Variants in NSFL1C observed in about 807,000 individuals in gnomAD.
The protein encoded by NSFL1C is NSFL1 cofactor p47.
NSFL1C carries 14 observed loss-of-function variants against 43.1 expected under a neutral mutation model. The observed-to-expected ratio is 0.32, with a 90% CI of 0.21 to 0.51. NSFL1C has a LOEUF of 0.51. Ranked by LOEUF, NSFL1C falls within the 20% of genes least tolerant of loss-of-function variation. The pLI, the probability that NSFL1C is intolerant of heterozygous loss-of-function variation, is 0.98. For missense variants in NSFL1C, 406 were observed against 472.5 expected (o/e 0.86, Z 1.30); for synonymous variants, 171 against 183.5 (o/e 0.93, Z 0.55).
At chr20:1,460,370 T>C (rs1844640683) in intron 2 of NSFL1C, among the ~76,000 whole-genome samples, 1 of 152,192 alleles carries the variant, frequency 6.6e-6, no homozygotes, top group African/African-American at 2.4e-5. Context: ...TCCAGCAATC[T>C]AGCCTTAAGG....
chr20:1,455,527 C>A (rs1175124273), intron 3 of NSFL1C, among the ~76,000 whole-genome samples: 1 of 152,170 alleles, frequency 6.6e-6, no homozygotes, highest in Non-Finnish European at 1.5e-5. Flanking sequence ...ACAGTGACTA[C>A]AGTCATAGTC....
intron 5 of NSFL1C, among the ~76,000 whole-genome samples, chr20:1,453,610 G>C (rs1225215652): frequency 6.6e-6 from 1 of 152,200 alleles, no homozygotes; most frequent in East Asian, 1.9e-4. Context: ...TGCATTAGCA[G>C]CTGCCTCGGA....
chr20:1,455,008 C>T lies in NSFL1C; in HGVS notation c.403G>A (p.Glu135Lys), dbSNP rs2090266121. The change falls in exon 4 of 9, where the codon GAG becomes AAG. Residue 135 changes from glutamate (E) to lysine (K), a missense_variant. Physicochemically the swap from Glu to Lys is moderately conservative, Grantham distance 56. Transcript: ENST00000216879. ...GAKEHGAVAVERVTKSPGETS... is the reference protein window; with the variant it reads ...GAKEHGAVAVKRVTKSPGETS... ...TCTCCAGGGCTCTTGGTCACTCGCT[C>T]CACAGCTACAGCTCCATGCTCTTTG... is the stretch of plus-strand genomic sequence containing the variant. 1 of 1,614,112 alleles carries T rather than the reference C, an allele frequency of 6.2e-7. No homozygotes were observed. Among genetic ancestry groups the T allele is most frequent in the East Asian group, 2.2e-5 (1 of 44,884 alleles).
At chr20:1,452,683 G>A in intron 6 of NSFL1C, 53 bp from the exon 7 acceptor site, 1 of 1,605,992 alleles carries the variant, frequency 6.2e-7, no homozygotes, top group Non-Finnish European at 8.5e-7. Flanking sequence ...GGAAATGACA[G>A]TGATGGGAAA....
intron 8 of NSFL1C, among the ~76,000 whole-genome samples, chr20:1,444,211 C>T (rs1599931923): frequency 6.6e-6 from 1 of 152,320 alleles, no homozygotes; most frequent in East Asian, 1.9e-4. Context: ...TACTCTCTTC[C>T]CACATTTGGG....
intron 2 of NSFL1C, chr20:1,464,060 T>A: frequency 2.5e-6 from 1 of 395,500 alleles, no homozygotes; most frequent in Non-Finnish European, 4.5e-6. Flanking sequence ...AGAGTTGCAG[T>A]GGTCATTCCT....
intron 2 of NSFL1C, among the ~76,000 whole-genome samples, chr20:1,463,051 C>T (rs915301109): frequency 2.0e-5 from 3 of 152,110 alleles, no homozygotes; most frequent in African/African-American, 7.2e-5. Flanking sequence ...AAGTAACCTG[C>T]CCAAGGTCAC....
rs2090047708 is a variant in NSFL1C at position 1,445,829 on chromosome 20, T to C, written c.787A>G (p.Thr263Ala). ...CTGGTACTCAACACCTGGGGGGCAG[T>C]GCTGAGGAGAGAGGATGGCATCAGA... ...FTGEGQKLGSTAPQVLSTSSP... is the reference protein window; with the variant it reads ...FTGEGQKLGSAAPQVLSTSSP... Residue 263 changes from threonine (T) to alanine (A), a missense_variant and splice_region_variant, in exon 8 of 9, where the codon ACT (threonine) becomes GCT (alanine). Physicochemically the swap from Thr to Ala is moderately conservative, Grantham distance 58 (BLOSUM62 0). This residue lies in a region of NSFL1C where 196 missense variants were observed against 228.0 expected (regional missense o/e 0.86). Coordinates refer to ENST00000216879, the MANE Select transcript of NSFL1C (RefSeq NM_016143.5). 1 of 1,613,682 alleles carries C rather than the reference T, an allele frequency of 6.2e-7. No individual in the cohort carries two copies. Among genetic ancestry groups the C allele is most frequent in the Non-Finnish European group, 8.5e-7 (1 of 1,179,918 alleles).
chr20:1,465,165 G>A lies in NSFL1C; in HGVS notation c.106-739C>T, dbSNP rs995222009. On this transcript the variant is annotated intron_variant, in intron 1 of 8. Coordinates refer to ENST00000216879, the MANE Select transcript of NSFL1C (RefSeq NM_016143.5). Reference sequence around the variant, plus strand: ...GTGACATCTCTGTCACCAACTCAACGGACAGGCATTCACTAATCACTTGCT... The same window carrying A: ...GTGACATCTCTGTCACCAACTCAACAGACAGGCATTCACTAATCACTTGCT... 4.6e-5 allele frequency among the ~76,000 whole-genome samples: 7 copies of A among 152,168 alleles called. No homozygotes were observed. In the South Asian group the frequency reaches 6.2e-4, roughly 14 times the overall value.
chr20:1,458,585 T>C (rs947249551), intron 2 of NSFL1C, among the ~76,000 whole-genome samples: 19 of 152,192 alleles, frequency 1.2e-4, no homozygotes, highest in Non-Finnish European at 2.4e-4. Context: ...AAAGCAGTGT[T>C]GTGTGGGGTG....
At chr20:1,448,860 C>T (rs548099232) in intron 7 of NSFL1C, among the ~76,000 whole-genome samples, 53 of 152,346 alleles carry the variant, frequency 3.5e-4, no homozygotes, top group African/African-American at 1.2e-3. Flanking sequence ...CTGTGCTCTT[C>T]ACACTGTCCC....
In NSFL1C at chr20:1,453,062, T is replaced by C. The variant is rs777102479; in HGVS notation, c.616A>G (p.Asn206Asp). ...CGGATAGACTCCAGAAACTGGGCATTGGATGGGTCTTGGTAGCTTCTGAGT... is the reference window on the plus strand; with the variant it reads ...CGGATAGACTCCAGAAACTGGGCATCGGATGGGTCTTGGTAGCTTCTGAGT... ...GELRSYQDPS[N>D]AQFLESIRRG... The change falls in exon 6 of 9, where the codon AAT becomes GAT. Residue 206 changes from asparagine (N) to aspartate (D), a missense_variant. Transcript: ENST00000216879. The C allele has an allele frequency of 6.9e-5, 111 of 1,613,104 alleles. No individual in the cohort carries two copies. Among genetic ancestry groups the C allele is most frequent in the Middle Eastern group, 1.6e-4 (1 of 6,084 alleles).
intron 1 of NSFL1C, among the ~76,000 whole-genome samples, chr20:1,464,854 A>T (rs1871981581): frequency 6.6e-6 from 1 of 152,188 alleles, no homozygotes; most frequent in African/African-American, 2.4e-5. Context: ...TTAAAAAAAA[A>T]TTTGTTCAAG....
intron 2 of NSFL1C, among the ~76,000 whole-genome samples, chr20:1,463,719 T>A (rs994537513): frequency 6.6e-6 from 1 of 152,112 alleles, no homozygotes; most frequent in Non-Finnish European, 1.5e-5. Flanking sequence ...TTCAGACACC[T>A]TTACAGGAAG....
chr20:1,446,105 T>C (rs748949878), intron 7 of NSFL1C: 17 of 521,266 alleles, frequency 3.3e-5, no homozygotes, highest in Non-Finnish European at 5.3e-5. Flanking sequence ...TCCTCCTTGG[T>C]GTCTTCAACT....
At chr20:1,464,012 C>T in intron 2 of NSFL1C, 1 of 313,634 alleles carries the variant, frequency 3.2e-6, no homozygotes, top group Non-Finnish European at 5.8e-6. Context: ...CTATAGCACC[C>T]TTGAAAGGAA....
chr20:1,461,430 A>G (rs936360725), intron 2 of NSFL1C, among the ~76,000 whole-genome samples: 13 of 152,226 alleles, frequency 8.5e-5, no homozygotes, highest in African/African-American at 3.1e-4. Context: ...TATAGGCAGA[A>G]AGCAAGAGAG....
Position 1,466,765 on chromosome 20 carries a change from C to T in NSFL1C, c.60G>A (p.Glu20=), listed in dbSNP as rs1033104224. Residue 20 remains glutamate, a synonymous_variant, in exon 1 of 9, where the codon GAG becomes GAA. Transcript: ENST00000216879. ...REFVAVTGAE[E]DRARFFLESA... is the part of the protein sequence containing the mutation. ...ACTCGAGAAAGAAGCGGGCCCGGTC[C>T]TCCTCGGCGCCCGTCACCGCCACGA... 1.3e-5 allele frequency: 21 copies of T among 1,563,152 alleles called. No homozygotes were observed. Among genetic ancestry groups the T allele is most frequent in the East Asian group, 4.8e-5 (2 of 41,298 alleles).
chr20:1,455,463 GGA>G (rs541680408), intron 3 of NSFL1C, among the ~76,000 whole-genome samples: 13 of 152,296 alleles, frequency 8.5e-5, no homozygotes, highest in Admixed American at 6.5e-4. Context: ...TATCAGTTCA[GGA>G]GAGAGTCTCA....
Sources: allele counts gnomAD v4.1 joint callset (sites outside exome capture counted in the v4.1 genomes callset), GRCh38; gene constraint gnomAD v4.1.1; regional missense constraint gnomAD v4.1.1; transcripts MANE v1.5; gene names NCBI Gene and HGNC (gene_info 2026-07-23, HGNC 2026-07-21).